CYP2R1: variants seen among roughly 807,000 people sequenced by gnomAD.
The protein encoded by CYP2R1 is cytochrome P450 family 2 subfamily R member 1.
Under a neutral mutation model 45.7 loss-of-function variants are expected in CYP2R1, and 40 were observed. That is an observed-to-expected ratio of 0.87 (90% CI 0.68 to 1.14). CYP2R1 has a LOEUF of 1.14. Ranked by LOEUF, CYP2R1 falls within the 50% of genes most tolerant of loss-of-function variation. The pLI, the probability that CYP2R1 is intolerant of heterozygous loss-of-function variation, is 0.00. For missense variants in CYP2R1, 605 were observed against 602.6 expected (o/e 1.00, Z -0.04); for synonymous variants, 234 against 219.3 (o/e 1.07, Z -0.59).
intron 3 of CYP2R1, 98 bp downstream of exon 3, chr11:14,880,038 G>C: frequency 8.1e-7 from 1 of 1,236,334 alleles, no homozygotes; most frequent in East Asian, 2.5e-5. Flanking sequence ...CATCGCAGGA[G>C]TTCCTAAAGA....
rs782052196 is a variant in CYP2R1 at position 14,892,065 on chromosome 11, TGGCAGCCCC to T, written c.132_140del (p.Gly45_Pro47del). Reference sequence around the variant, plus strand: ...CCAGGGAATAGATGTTGCCGATAAATGGCAGCCCCGGCGGCCCCGGGGGGAAGCCCATCG... The same window carrying T: ...CCAGGGAATAGATGTTGCCGATAAATGGCGGCCCCGGGGGGAAGCCCATCG... On this transcript the variant is annotated inframe_deletion, in exon 1 of 5. Coordinates refer to ENST00000334636, the MANE Select transcript of CYP2R1 (RefSeq NM_024514.5). The T allele has an allele frequency of 1.4e-5, 22 of 1,612,108 alleles. No individual in the cohort carries two copies. The highest frequency in any genetic ancestry group is 1.7e-5 in the Admixed American group (1 of 59,988).
At position 14,880,139 on chromosome 11, in the gene CYP2R1, GAAT is replaced by G. The variant is rs1555011376; in HGVS notation, c.994_996del (p.Ile332del). The G allele has an allele frequency of 6.2e-7, 1 of 1,612,484 alleles. No homozygotes were observed. The highest frequency in any genetic ancestry group is 1.1e-5 in the South Asian group (1 of 90,990). On this transcript the variant is annotated inframe_deletion, in exon 3 of 5. Transcript: ENST00000334636. ...AGATCATCAAGAGAATCCTCACCTT[GAAT>G]ATTAGGATAAAGGGCCATGAAAAGA...
At chr11:14,891,880 A>T in intron 1 of CYP2R1, 101 bp downstream of exon 1, 1 of 1,454,702 alleles carries the variant, frequency 6.9e-7, no homozygotes, top group Admixed American at 2.5e-5. Context: ...AGAGGTCCCG[A>T]CTAGTCGGCC....
At chr11:14,885,513 C>T (rs1782478902) in intron 2 of CYP2R1, among the ~76,000 whole-genome samples, 1 of 152,088 alleles carries the variant, frequency 6.6e-6, no homozygotes. Context: ...TTTCACAAAA[C>T]CTGCAGATGT....
rs558053702 is a variant in CYP2R1 at position 14,882,867 on chromosome 11, C to T, written c.368-2099G>A. Among the ~76,000 whole-genome samples, 15 of 152,310 alleles carry T rather than the reference C, an allele frequency of 9.8e-5. No homozygotes were observed. The South Asian group carries it at 2.7e-3, about 27-fold the overall frequency. The stretch of plus-strand genomic sequence containing the variant: ...ATACAAAACCAATGTACAAAAATCA[C>T]AAGCATTCTTATACACCAATAACAG... On this transcript the variant is annotated intron_variant, in intron 2 of 4. Transcript: ENST00000334636.
chr11:14,892,294 C>G, upstream of CYP2R1: 1 of 1,296,444 alleles, frequency 7.7e-7, no homozygotes, highest in Non-Finnish European at 1.1e-6. Context: ...GCAGGATACC[C>G]TCAGGTCCCG....
chr11:14,879,345 C>T lies in CYP2R1; in HGVS notation c.1099G>A (p.Glu367Lys). Residue 367 changes from glutamate (E) to lysine (K), a missense_variant, in exon 4 of 5, where the codon GAA (glutamate) becomes AAA (lysine). Glu to Lys is a moderately conservative substitution (Grantham distance 56, BLOSUM62 1). Transcript: ENST00000334636. ...KMPYTEAVLH[E>K]VLRFCNIVPL... ...ACTATATTACAGAATCTTAAAACTTCATGCAAAACTGCCTCAGTATAAGGC... is the reference window on the plus strand; with the variant it reads ...ACTATATTACAGAATCTTAAAACTTTATGCAAAACTGCCTCAGTATAAGGC... 1.2e-6 allele frequency: 2 copies of T among 1,612,514 alleles called. No individual in the cohort carries two copies. Among genetic ancestry groups the T allele is most frequent in the East Asian group, 2.2e-5 (1 of 44,858 alleles).
intron 1 of CYP2R1, among the ~76,000 whole-genome samples, chr11:14,890,741 G>A (rs1230981610): frequency 1.9e-4 from 29 of 151,694 alleles, no homozygotes; most frequent in Admixed American, 1.9e-3. Context: ...GTAGAGATGG[G>A]GTTTCACCGT....
At chr11:14,884,395 A>T (rs1265701102) in intron 2 of CYP2R1, among the ~76,000 whole-genome samples, 1 of 152,048 alleles carries the variant, frequency 6.6e-6, no homozygotes, top group Non-Finnish European at 1.5e-5. Context: ...ACATGGATGA[A>T]ATTGGAAATC....
rs782179273 is a variant in CYP2R1, at chr11:14,892,211, C to G, written c.-6G>C. The G allele has an allele frequency of 3.4e-5, 55 of 1,608,656 alleles. No individual in the cohort carries two copies. The highest frequency in any genetic ancestry group is 1.3e-4 in the African/African-American group (10 of 74,860). On this transcript the variant is annotated 5_prime_UTR_variant, in exon 1 of 5. Transcript: ENST00000334636. The stretch of plus-strand genomic sequence containing the variant: ...GCTCTCCAAAGCTTCCACATCGGCC[C>G]GAGCTGGAGGTGCGAACTCCACAGC...
chr11:14,892,286 A>G, upstream of CYP2R1: 1 of 1,392,594 alleles, frequency 7.2e-7, no homozygotes, highest in Middle Eastern at 2.5e-4. Flanking sequence ...TCCCATTGGC[A>G]GGATACCCTC....
intron 4 of CYP2R1, among the ~76,000 whole-genome samples, 175 bp downstream of exon 4, chr11:14,878,939 C>T (rs552091414): frequency 2.4e-4 from 37 of 152,082 alleles, no homozygotes; most frequent in African/African-American, 8.7e-4. Context: ...TATATTAAGC[C>T]GAAACAGATG....
At chr11:14,886,109 T>C (rs1346899150) in intron 1 of CYP2R1, 192 bp from the exon 2 acceptor site, 2 of 609,580 alleles carry the variant, frequency 3.3e-6, no homozygotes, top group East Asian at 5.8e-5. Context: ...TGTGATTTCA[T>C]TATGCCATTC....
chr11:14,890,507 G>T, intron 1 of CYP2R1: 2 of 458,320 alleles, frequency 4.4e-6, no homozygotes, highest in Non-Finnish European at 5.6e-6. Flanking sequence ...AACCATTAGT[G>T]ACTTTCTATT....
At chr11:14,880,092 C>A in intron 3 of CYP2R1, 44 bp downstream of exon 3, 3 of 1,596,360 alleles carry the variant, frequency 1.9e-6, no homozygotes, top group Non-Finnish European at 2.6e-6. Flanking sequence ...TGTATGAACC[C>A]TACATGTAAG....
intron 4 of CYP2R1, 116 bp downstream of exon 4, chr11:14,878,998 G>A: frequency 3.5e-6 from 3 of 852,724 alleles, no homozygotes; most frequent in Non-Finnish European, 5.7e-6. Flanking sequence ...TCAGTTCTGT[G>A]TTTTTAGAAT....
intron 1 of CYP2R1, among the ~76,000 whole-genome samples, chr11:14,889,164 GTTTTT>G (rs11410959): frequency 7.8e-5 from 11 of 140,178 alleles, no homozygotes; most frequent in Non-Finnish European, 1.2e-4. Context: ...AAGTCCAGTT[GTTTTT>G]TTTTTTTTTT....
intron 2 of CYP2R1, among the ~76,000 whole-genome samples, chr11:14,881,156 A>AT (rs1371716652): frequency 3.8e-4 from 58 of 152,256 alleles, no homozygotes; most frequent in African/African-American, 1.3e-3. Context: ...CACCTAAAAA[A>AT]TCATCCTTCT....
chr11:14,880,417 A>G lies in CYP2R1; in HGVS notation c.719T>C (p.Phe240Ser). 1 of 1,613,480 alleles carries G rather than the reference A, an allele frequency of 6.2e-7. No individual in the cohort carries two copies. The highest frequency in any genetic ancestry group is 1.1e-5 in the South Asian group (1 of 91,068). The change falls in exon 3 of 5, where the codon TTT becomes TCT. Residue 240 changes from phenylalanine (F) to serine (S), a missense_variant. Transcript: ENST00000334636. ...TCTAAACAGCTGTTGATGTTTTCCA[A>G]AAGGCAGGATGCCAATCCATGGAAA... Reference protein sequence around the residue: ...NAFPWIGILPFGKHQQLFRNA... With the variant: ...NAFPWIGILPSGKHQQLFRNA...
Sources: allele counts gnomAD v4.1 joint callset (sites outside exome capture counted in the v4.1 genomes callset), GRCh38; gene constraint gnomAD v4.1.1; transcripts MANE v1.5; gene names NCBI Gene and HGNC (gene_info 2026-07-23, HGNC 2026-07-21).